PDS5A: variants seen among roughly 807,000 people sequenced by gnomAD.
PDS5A encodes the protein PDS5 cohesin associated factor A.
PDS5A carries 42 observed loss-of-function variants against 167.1 expected under a neutral mutation model. The ratio of observed to expected loss-of-function variants is 0.25; its 90% CI spans 0.20 to 0.33. PDS5A has a LOEUF of 0.33. Ranked by LOEUF, PDS5A falls within the 10% of genes least tolerant of loss-of-function variation. The probability of loss-of-function intolerance (pLI) is 1.00; values close to 1 mark genes in which losing one functional copy is unlikely to be tolerated. For missense variants in PDS5A, 1,033 were observed against 1,605.9 expected (o/e 0.64, Z 6.10); for synonymous variants, 553 against 554.6 (o/e 1.00, Z 0.04).
intron 17 of PDS5A, among the ~76,000 whole-genome samples, chr4:39,880,759 A>G (rs534330949): frequency 6.6e-6 from 1 of 152,288 alleles, no homozygotes; most frequent in African/African-American, 2.4e-5. Flanking sequence ...CAGGATAATT[A>G]ACACATCCAT....
At chr4:39,965,455 G>A (rs1459973467) in intron 2 of PDS5A, among the ~76,000 whole-genome samples, 1 of 152,180 alleles carries the variant, frequency 6.6e-6, no homozygotes, top group African/African-American at 2.4e-5. Context: ...ACAAAACTGT[G>A]AGACAATAAG....
At chr4:39,872,335 C>T (rs1474233199) in intron 21 of PDS5A, among the ~76,000 whole-genome samples, 2 of 152,064 alleles carry the variant, frequency 1.3e-5, no homozygotes, top group East Asian at 3.9e-4. Context: ...GTCACCACAC[C>T]CGGCTAATCC....
chr4:39,888,031 CA>C (rs1035373312), intron 17 of PDS5A, among the ~76,000 whole-genome samples: 8 of 152,004 alleles, frequency 5.3e-5, no homozygotes, highest in Non-Finnish European at 1.0e-4. Flanking sequence ...GCGGGCAGAT[CA>C]CGAGGTCAAG....
intron 11 of PDS5A, among the ~76,000 whole-genome samples, chr4:39,904,850 T>C (rs191371144): frequency 6.6e-5 from 10 of 152,350 alleles, no homozygotes; most frequent in African/African-American, 2.4e-4. Flanking sequence ...AATAACCTTA[T>C]GGGAGAGTTC....
chr4:39,887,424 T>C (rs1377302483), intron 17 of PDS5A, among the ~76,000 whole-genome samples: 1 of 152,234 alleles, frequency 6.6e-6, no homozygotes, highest in Non-Finnish European at 1.5e-5. Context: ...TATCGATATA[T>C]GATTTATGAA....
Position 39,930,268 on chromosome 4 carries a change from T to C in PDS5A, c.139-2104A>G, listed in dbSNP as rs553409272. Reference sequence around the variant, plus strand: ...AAAAGTTTTTTTGTTTTTTGTTTTTTTTTTTTAAGAGACAGGGTTTTGCCA... The same window carrying C: ...AAAAGTTTTTTTGTTTTTTGTTTTTCTTTTTTAAGAGACAGGGTTTTGCCA... On this transcript the variant is annotated intron_variant, in intron 2 of 32. Coordinates refer to ENST00000303538, the MANE Select transcript of PDS5A (RefSeq NM_001100399.2). Among the ~76,000 whole-genome samples, 526 of 144,086 alleles carry C rather than the reference T, an allele frequency of 3.7e-3. 25 individuals carry two copies. Among genetic ancestry groups the C allele is most frequent in the Middle Eastern group, 6.9e-3 (2 of 288 alleles). The allele number at this position is 144,086 out of a possible 152,430, so 94.5% of individuals were successfully genotyped here. A position where few individuals can be genotyped will look rare whatever the true frequency, so the allele number is the denominator to read the frequency against.
chr4:39,921,580 AC>A (rs1444643120), intron 6 of PDS5A, among the ~76,000 whole-genome samples: 14 of 142,268 alleles, frequency 9.8e-5, no homozygotes, highest in African/African-American at 3.3e-4. Context: ...TACAAAGAAA[AC>A]TTAAAAAAAA....
At chr4:39,975,648 C>T (rs1192135442) in intron 2 of PDS5A, among the ~76,000 whole-genome samples, 1 of 152,194 alleles carries the variant, frequency 6.6e-6, no homozygotes, top group Non-Finnish European at 1.5e-5. Context: ...TCCCCTACTC[C>T]AATCTAGCAC....
At chr4:39,934,605 CTTTTTTTTTCTTTTTTT>C (rs1434468539) in intron 2 of PDS5A, among the ~76,000 whole-genome samples, 1 of 109,212 alleles carries the variant, frequency 9.2e-6, no homozygotes, top group Non-Finnish European at 1.9e-5. Flanking sequence ...CTTAGTATTT[CTTTTTTTTTCTTTTTTT>C]TTTTTTTTTT....
intron 32 of PDS5A, among the ~76,000 whole-genome samples, chr4:39,826,776 C>T (rs1414970111): frequency 2.0e-5 from 3 of 151,646 alleles, no homozygotes; most frequent in Non-Finnish European, 2.9e-5. Context: ...TGAACCACCA[C>T]GCCCGGCCCA....
chr4:39,889,987 T>C (rs760372179), intron 17 of PDS5A, among the ~76,000 whole-genome samples: 3 of 152,222 alleles, frequency 2.0e-5, no homozygotes, highest in Non-Finnish European at 4.4e-5. Context: ...TTTCTGTCTT[T>C]CTCTTTGTTC....
At chr4:39,885,791 A>G (rs1721411598) in intron 17 of PDS5A, among the ~76,000 whole-genome samples, 1 of 151,790 alleles carries the variant, frequency 6.6e-6, no homozygotes, top group Admixed American at 6.6e-5. Context: ...AACAAAAAAA[A>G]ACACCCTCAC....
chr4:39,973,471 G>T (rs188195717), intron 2 of PDS5A: 3 of 1,349,710 alleles, frequency 2.2e-6, no homozygotes, highest in African/African-American at 2.9e-5. Flanking sequence ...TAATATTTAC[G>T]TGAAAAATCT....
chr4:39,836,248 T>C (rs547599029), intron 32 of PDS5A, among the ~76,000 whole-genome samples: 299 of 152,306 alleles, frequency 2.0e-3, no homozygotes, highest in African/African-American at 7.0e-3. Context: ...TTGTCCCTAA[T>C]ACTGGCTTTC....
intron 11 of PDS5A, among the ~76,000 whole-genome samples, chr4:39,905,561 AAAAAAAC>A (rs1041961662): frequency 1.2e-4 from 18 of 152,096 alleles, no homozygotes; most frequent in Non-Finnish European, 2.2e-4. Flanking sequence ...CTGTCTCAAC[AAAAAAAC>A]AAAAAACAAA....
intron 16 of PDS5A, among the ~76,000 whole-genome samples, chr4:39,892,981 CTA>C (rs1722101669): frequency 6.6e-6 from 1 of 152,102 alleles, no homozygotes; most frequent in African/African-American, 2.4e-5. Flanking sequence ...TTTAAAAATT[CTA>C]TGAGGTTGAT....
chr4:39,873,300 C>G (rs2109574436), intron 20 of PDS5A, among the ~76,000 whole-genome samples, 156 bp from the exon 21 acceptor site: 1 of 152,184 alleles, frequency 6.6e-6, no homozygotes, highest in Non-Finnish European at 1.5e-5. Flanking sequence ...GTTAAGACAC[C>G]TGGTTCTTAA....
intron 32 of PDS5A, among the ~76,000 whole-genome samples, chr4:39,836,436 A>T (rs925850159): frequency 7.9e-5 from 12 of 151,930 alleles, no homozygotes; most frequent in African/African-American, 2.7e-4. Flanking sequence ...GTAAATGCTA[A>T]TTTTTTTGTT....
intron 28 of PDS5A, chr4:39,848,495 G>T (rs1004588905): frequency 1.9e-5 from 4 of 214,262 alleles, no homozygotes; most frequent in Non-Finnish European, 3.7e-5. Flanking sequence ...TGAAGAAATG[G>T]AGGCTTAGAG....
Sources: allele counts gnomAD v4.1 joint callset (sites outside exome capture counted in the v4.1 genomes callset), GRCh38; gene constraint gnomAD v4.1.1; transcripts MANE v1.5; gene names NCBI Gene and HGNC (gene_info 2026-07-23, HGNC 2026-07-21).